Variants in PPFIA2 observed in about 807,000 individuals in gnomAD.
The protein encoded by PPFIA2 is PPFI scaffold protein A2.
A neutral mutation model predicts 175.5 loss-of-function variants in PPFIA2; 46 were observed. That is an observed-to-expected ratio of 0.26 (90% CI 0.21 to 0.34). The LOEUF (loss-of-function observed/expected upper bound fraction) is 0.34, where lower values mean the gene tolerates loss of function less well. PPFIA2 is among the 10% of genes least tolerant of loss of function. PPFIA2 has a pLI of 1.00. For synonymous variants in PPFIA2, 568 were observed against 511.4 expected, an observed-to-expected ratio of 1.11 and a Z score of -1.49; for missense variants, 1,179 against 1,506.1, an observed-to-expected ratio of 0.78 and a Z score of 3.60.
chr12:81,709,635 T>C (rs2153613149), intron 3 of PPFIA2, among the ~76,000 whole-genome samples: 1 of 152,218 alleles, frequency 6.6e-6, no homozygotes, highest in South Asian at 2.1e-4. Flanking sequence ...AAAAATATAT[T>C]ATGAGAGCTT....
At chr12:81,533,659 T>TC (rs1406856942) in intron 4 of PPFIA2, among the ~76,000 whole-genome samples, 1 of 151,450 alleles carries the variant, frequency 6.6e-6, no homozygotes, top group Non-Finnish European at 1.5e-5. Flanking sequence ...ATACCAAAAC[T>TC]CCTCTTTGAT....
chr12:81,265,542 A>G (rs1289717875), intron 30 of PPFIA2, among the ~76,000 whole-genome samples: 3 of 152,144 alleles, frequency 2.0e-5, no homozygotes, highest in Non-Finnish European at 4.4e-5. Context: ...AAAACCGCAG[A>G]AATAAGTCCA....
At chr12:81,512,572 G>C (rs141493599) in intron 4 of PPFIA2, among the ~76,000 whole-genome samples, 1 of 152,030 alleles carries the variant, frequency 6.6e-6, no homozygotes, top group Non-Finnish European at 1.5e-5. Context: ...TTGGGGTTCA[G>C]GTGGTTTTTG....
At chr12:81,286,085 G>A (rs1479158724) in intron 24 of PPFIA2, among the ~76,000 whole-genome samples, 1 of 151,952 alleles carries the variant, frequency 6.6e-6, no homozygotes, top group Non-Finnish European at 1.5e-5. Context: ...AAAGCTTAAA[G>A]AGGGGAAAAA....
intron 24 of PPFIA2, among the ~76,000 whole-genome samples, chr12:81,284,934 A>T (rs2042934386): frequency 6.6e-6 from 1 of 152,188 alleles, no homozygotes; most frequent in South Asian, 2.1e-4. Context: ...TTTTAATTTA[A>T]TAAAATGTAT....
rs564273148 is a variant in PPFIA2, at chr12:81,707,904, C to T, written c.250-31060G>A. 6.0e-5 allele frequency among the ~76,000 whole-genome samples: 9 copies of T among 151,020 alleles called. No homozygotes were observed. The East Asian group carries it at 1.8e-3, about 30-fold the overall frequency. ...GGATGAAATTGGAAATCATCATTCT[C>T]AGTAAACTATCGCAAGAACAAAAAA... On this transcript the variant is annotated intron_variant, in intron 3 of 32. Transcript: ENST00000549396.
At chr12:81,612,930 A>C (rs2061075973) in intron 4 of PPFIA2, among the ~76,000 whole-genome samples, 1 of 152,142 alleles carries the variant, frequency 6.6e-6, no homozygotes, top group African/African-American at 2.4e-5. Context: ...CTGTGCTTAA[A>C]CCAAATTTTT....
chr12:81,363,451 A>C (rs1388923010), intron 14 of PPFIA2, among the ~76,000 whole-genome samples: 1 of 151,636 alleles, frequency 6.6e-6, no homozygotes, highest in Non-Finnish European at 1.5e-5. Context: ...CTATAAATTT[A>C]TGAAGATAGG....
At chr12:81,394,700 T>C (rs570248637) in intron 8 of PPFIA2, among the ~76,000 whole-genome samples, 1 of 151,854 alleles carries the variant, frequency 6.6e-6, no homozygotes, top group East Asian at 1.9e-4. Flanking sequence ...AAATACCTAA[T>C]GCATGTGGGG....
chr12:81,280,809 A>C (rs187376659), intron 27 of PPFIA2, among the ~76,000 whole-genome samples: 1 of 152,116 alleles, frequency 6.6e-6, no homozygotes, highest in South Asian at 2.1e-4. Context: ...AAAAACACAA[A>C]TATGTCTTAG....
intron 4 of PPFIA2, chr12:81,535,584 G>A: frequency 5.2e-6 from 2 of 385,446 alleles, no homozygotes; most frequent in Non-Finnish European, 1.0e-5. Flanking sequence ...TACTACCTTG[G>A]CAAGGGAGGA....
intron 7 of PPFIA2, among the ~76,000 whole-genome samples, chr12:81,414,514 A>C: frequency 6.6e-6 from 1 of 151,730 alleles, no homozygotes; most frequent in Admixed American, 6.6e-5. Flanking sequence ...CTATTTCTAC[A>C]GGGATTTTCA....
chr12:81,478,605 T>C (rs188643450), intron 4 of PPFIA2, among the ~76,000 whole-genome samples: 1 of 152,366 alleles, frequency 6.6e-6, no homozygotes, highest in Admixed American at 6.5e-5. Flanking sequence ...CCAGATATTC[T>C]GCTACATTGT....
intron 30 of PPFIA2, among the ~76,000 whole-genome samples, chr12:81,264,168 C>T (rs1340437588): frequency 6.6e-6 from 1 of 152,102 alleles, no homozygotes; most frequent in African/African-American, 2.4e-5. Context: ...AACATCATAC[C>T]CCACATAGGC....
chr12:81,743,445 A>AAAAAAT (rs2082609035), intron 3 of PPFIA2, among the ~76,000 whole-genome samples: 5 of 131,086 alleles, frequency 3.8e-5, no homozygotes, highest in Non-Finnish European at 8.0e-5. Flanking sequence ...AAAAAAAAAA[A>AAAAAAT]CTTTTGCTGT....
chr12:81,701,915 T>TAAAAAA (rs748051152), intron 3 of PPFIA2, among the ~76,000 whole-genome samples: 6 of 84,176 alleles, frequency 7.1e-5, no homozygotes, highest in African/African-American at 1.1e-4. Flanking sequence ...ATGGGAAGAC[T>TAAAAAA]AAAAAAAAAA....
At chr12:81,670,950 CTCTCA>C (rs911502741) in intron 4 of PPFIA2, among the ~76,000 whole-genome samples, 9 of 152,016 alleles carry the variant, frequency 5.9e-5, no homozygotes, top group African/African-American at 1.7e-4. Flanking sequence ...ATTCTGAACT[CTCTCA>C]TCTTATAACT....
At chr12:81,654,528 T>C (rs1179306203) in intron 4 of PPFIA2, among the ~76,000 whole-genome samples, 1 of 152,102 alleles carries the variant, frequency 6.6e-6, no homozygotes, top group African/African-American at 2.4e-5. Flanking sequence ...TTTCTGGCTA[T>C]ATAATGAGTA....
intron 7 of PPFIA2, among the ~76,000 whole-genome samples, chr12:81,432,973 A>C (rs1024196607): frequency 1.3e-5 from 2 of 151,620 alleles, no homozygotes; most frequent in Non-Finnish European, 2.9e-5. Flanking sequence ...AAACATTAAC[A>C]AAAAAAACCA....
Sources: gnomAD v4.1 joint callset for allele counts (sites outside exome capture counted in the v4.1 genomes callset) on GRCh38, gnomAD v4.1.1 for gene constraint, MANE v1.5 for transcripts, NCBI Gene and HGNC (gene_info 2026-07-23, HGNC 2026-07-21) for gene names.